WDR48: variants seen among roughly 807,000 people sequenced by gnomAD.
The protein encoded by WDR48 is WD repeat-containing protein 48.
Under a neutral mutation model 94.0 loss-of-function variants are expected in WDR48, and 22 were observed. That is an observed-to-expected ratio of 0.23 (90% CI 0.17 to 0.33). The LOEUF is 0.33. Ranked by LOEUF, WDR48 falls within the 10% of genes least tolerant of loss-of-function variation. The pLI is 1.00. For synonymous variants in WDR48, 278 were observed against 280.5 expected (o/e 0.99, Z 0.09); for missense variants, 541 against 813.8 (o/e 0.66, Z 4.08).
rs757293642 is a variant in WDR48, at chr3:39,069,739, A to G, written c.667A>G (p.Thr223Ala). ...GGCATTGCTATTAAACAGAGATGGC[A>G]CGCAAGTATGCAGTTTCATTTGGGT... is the stretch of plus-strand genomic sequence containing the variant. The part of the protein sequence containing the change: ...VKALLLNRDG[T>A]QCLSGSSDGT... Residue 223 changes from threonine to alanine, a missense_variant, in exon 7 of 19, where the codon ACG (threonine) becomes GCG (alanine). This residue lies in a region of WDR48 where 104 missense variants were observed against 189.7 expected (regional missense o/e 0.55). Transcript: ENST00000302313. The G allele has an allele frequency of 2.5e-6, 4 of 1,612,396 alleles. No homozygotes were observed. In the South Asian group the frequency reaches 4.4e-5, roughly 18 times the overall value.
chr3:39,086,987 AG>A (rs1219488169), intron 14 of WDR48, among the ~76,000 whole-genome samples: 1 of 152,128 alleles, frequency 6.6e-6, no homozygotes, highest in Non-Finnish European at 1.5e-5. Flanking sequence ...TCTACTATTC[AG>A]GGGCCCTTAC....
At chr3:39,080,663 T>A (rs937917646) in intron 11 of WDR48, among the ~76,000 whole-genome samples, 3 of 152,204 alleles carry the variant, frequency 2.0e-5, no homozygotes, top group African/African-American at 7.2e-5. Flanking sequence ...TGGGAAAACC[T>A]TATAGATAAA....
intron 1 of WDR48, among the ~76,000 whole-genome samples, chr3:39,062,317 C>T (rs1272122880): frequency 6.6e-6 from 1 of 152,142 alleles, no homozygotes; most frequent in Non-Finnish European, 1.5e-5. Flanking sequence ...TTACTTCTGG[C>T]TGCCAGCCAG....
At chr3:39,061,870 T>A (rs76097536) in intron 1 of WDR48, among the ~76,000 whole-genome samples, 66,689 of 150,834 alleles carry the variant, frequency 0.44, 17,900 homozygotes, top group African/African-American at 0.77. Flanking sequence ...GCATTTTTTC[T>A]TGTGTCTGCT....
chr3:39,086,218 TGAATATATGC>T (rs2034802641), intron 14 of WDR48: 1 of 152,402 alleles, frequency 6.6e-6, no homozygotes, highest in East Asian at 1.9e-4. Flanking sequence ...GAACATGTTT[TGAATATATGC>T]ATTTGGCTCA....
chr3:39,094,756 T>A lies in WDR48; in HGVS notation c.*13T>A. The A allele has an allele frequency of 6.2e-7, 1 of 1,613,872 alleles. No homozygotes were observed. Among genetic ancestry groups the A allele is most frequent in the Non-Finnish European group, 8.5e-7 (1 of 1,179,956 alleles). On this transcript the variant is annotated 3_prime_UTR_variant, in exon 19 of 19. Transcript: ENST00000302313. ...GAAGTCCACGTGAAGGCTGGGCTAATGCTCCTGGATATTCATTTACGACCT... is the reference window on the plus strand; with the variant it reads ...GAAGTCCACGTGAAGGCTGGGCTAAAGCTCCTGGATATTCATTTACGACCT...
At chr3:39,084,362 GA>G (rs35364617) in intron 12 of WDR48, 100 bp downstream of exon 12, 1,071 of 751,768 alleles carry the variant, frequency 1.4e-3, no homozygotes, top group East Asian at 2.0e-3. Context: ...TTTTAGGTGT[GA>G]AAAAAAAAAT....
chr3:39,073,075 C>T (rs1337620402), intron 7 of WDR48, among the ~76,000 whole-genome samples: 1 of 152,118 alleles, frequency 6.6e-6, no homozygotes, highest in African/African-American at 2.4e-5. Context: ...TCCTTGTCCT[C>T]TTTAAGTTGT....
At chr3:39,072,333 C>G (rs756922762) in intron 7 of WDR48, among the ~76,000 whole-genome samples, 2 of 151,674 alleles carry the variant, frequency 1.3e-5, no homozygotes, top group Non-Finnish European at 2.9e-5. Flanking sequence ...AACCTGCCAT[C>G]TTGATTTGAG....
chr3:39,071,355 T>G (rs2033926397), intron 7 of WDR48, among the ~76,000 whole-genome samples: 1 of 152,210 alleles, frequency 6.6e-6, no homozygotes, highest in Non-Finnish European at 1.5e-5. Context: ...CCCAGTGCAG[T>G]CAGCTCCTCA....
Position 39,091,719 on chromosome 3 carries a change from T to G in WDR48, c.1745+18T>G. 1 of 1,575,976 alleles carries G rather than the reference T, an allele frequency of 6.3e-7. No homozygotes were observed. Among genetic ancestry groups the G allele is most frequent in the Non-Finnish European group, 8.6e-7 (1 of 1,158,504 alleles). ...TTAAAAAAGTAAGTAAATATATGGT[T>G]TCTTGATCTAATTAACTACTAGAGA... is the stretch of plus-strand genomic sequence containing the variant. On this transcript the variant is annotated intron_variant, in intron 17 of 18. Coordinates refer to ENST00000302313, the MANE Select transcript of WDR48 (RefSeq NM_020839.4).
intron 5 of WDR48, among the ~76,000 whole-genome samples, chr3:39,067,196 C>T (rs1157976263): frequency 6.6e-6 from 1 of 152,162 alleles, no homozygotes; most frequent in African/African-American, 2.4e-5. Flanking sequence ...CACAGCATTC[C>T]CTGGTCCAAA....
intron 18 of WDR48, 117 bp from the exon 19 acceptor site, chr3:39,094,531 A>G (rs920929879): frequency 6.5e-6 from 10 of 1,544,258 alleles, no homozygotes; most frequent in Admixed American, 1.9e-5. Context: ...AGAATTGGAT[A>G]CCAGGCATAG....
intron 14 of WDR48, chr3:39,087,844 G>A (rs2034890247): frequency 3.1e-6 from 1 of 326,298 alleles, no homozygotes. Flanking sequence ...ACTTCCTTGT[G>A]GCTGAAGTAG....
intron 1 of WDR48, among the ~76,000 whole-genome samples, chr3:39,059,074 C>CAAAAAAAA (rs1178955423): frequency 5.7e-5 from 4 of 69,722 alleles, no homozygotes; most frequent in Non-Finnish European, 1.1e-4. Context: ...GACTCCGTCT[C>CAAAAAAAA]AAAAAAAAAA....
In WDR48 at chr3:39,079,734, C is replaced by T; in HGVS notation, c.1099C>T (p.His367Tyr). ...AGGGGGTGCTAGTATTATTCAGTGC[C>T]ACATTCTTAATGATAAGAGACATAT... ...IKGGASIIQCHILNDKRHILT... is the reference protein window; with the variant it reads ...IKGGASIIQCYILNDKRHILT... The change falls in exon 11 of 19, where the codon CAC (histidine) becomes TAC (tyrosine). Residue 367 changes from histidine (H) to tyrosine (Y), a missense_variant. By Grantham distance (83) the His-to-Tyr change is moderately conservative. Around this residue, in one of 5 missense-constraint regions of WDR48, gnomAD observed 238 missense variants for 285.3 expected, o/e 0.83. Transcript: ENST00000302313. The T allele has an allele frequency of 6.4e-7, 1 of 1,559,226 alleles. No individual in the cohort carries two copies. Among genetic ancestry groups the T allele is most frequent in the Non-Finnish European group, 8.6e-7 (1 of 1,160,594 alleles).
chr3:39,071,473 AG>A (rs2033931204), intron 7 of WDR48, among the ~76,000 whole-genome samples: 1 of 152,214 alleles, frequency 6.6e-6, no homozygotes, highest in South Asian at 2.1e-4. Flanking sequence ...GGTTTCCAGA[AG>A]GGGGCTATGG....
chr3:39,059,690 A>G (rs942500064), intron 1 of WDR48, among the ~76,000 whole-genome samples: 7 of 152,168 alleles, frequency 4.6e-5, no homozygotes, highest in Non-Finnish European at 5.9e-5. Flanking sequence ...CCTTGTAGCT[A>G]TTTGTGTCTG....
chr3:39,085,595 A>T lies in WDR48; in HGVS notation c.1459A>T (p.Asn487Tyr). ...THVNPMDEEE[N>Y]EVNHVNGEQE... ...TGTGAATCCAATGGATGAAGAGGAAAATGAAGTAAACCATGGTTAGTTTTT... is the reference window on the plus strand; with the variant it reads ...TGTGAATCCAATGGATGAAGAGGAATATGAAGTAAACCATGGTTAGTTTTT... The change falls in exon 14 of 19, where the codon AAT becomes TAT. Residue 487 changes from asparagine to tyrosine, a missense_variant. By Grantham distance (143) the Asn-to-Tyr change is moderately radical. Around this residue, in one of 5 missense-constraint regions of WDR48, gnomAD observed 238 missense variants for 285.3 expected, o/e 0.83. Coordinates refer to ENST00000302313, the MANE Select transcript of WDR48 (RefSeq NM_020839.4). 1 of 1,611,012 alleles carries T rather than the reference A, an allele frequency of 6.2e-7. No homozygotes were observed. Among genetic ancestry groups the T allele is most frequent in the Non-Finnish European group, 8.5e-7 (1 of 1,179,142 alleles).
Sources: gnomAD v4.1 joint callset for allele counts (sites outside exome capture counted in the v4.1 genomes callset) on GRCh38, gnomAD v4.1.1 for gene constraint, gnomAD v4.1.1 regional missense constraint, MANE v1.5 for transcripts, NCBI Gene and HGNC (gene_info 2026-07-23, HGNC 2026-07-21) for gene names.